The following CROCC2 variants were observed in gnomAD, a reference collection of about 807,000 sequenced individuals.
CROCC2 encodes ciliary rootlet coiled-coil, rootletin family member 2.
In CROCC2, 163 loss-of-function variants were observed where a neutral mutation model predicts 177.6. That is an observed-to-expected ratio of 0.92 (90% CI 0.81 to 1.05). The LOEUF (loss-of-function observed/expected upper bound fraction) is 1.05, where lower values mean the gene tolerates loss of function less well. Among genes scored for constraint, CROCC2 ranks in the 50% least tolerant of loss-of-function variants. CROCC2 has a pLI of 0.00. For synonymous variants in CROCC2, 904 were observed against 787.3 expected (o/e 1.15, Z -2.48); for missense variants, 1,929 against 1,797.8 (o/e 1.07, Z -1.32).
rs2059337910 is a variant in CROCC2 at position 240,918,922 on chromosome 2, ACGGCG to A, written c.229+47_229+51del. ...CCTGGGCCCGGGGCTGGCCAAGGTG[ACGGCG>A]TGGGGGACAGTCCTGGGCCCGGTGC... is the stretch of plus-strand genomic sequence containing the variant. On this transcript the variant is annotated intron_variant, in intron 2 of 31. Coordinates refer to ENST00000690015, the MANE Select transcript of CROCC2 (RefSeq NM_001351305.2). This position sits in a 1 kb window ranked among gnomAD's most constrained non-coding sequence, Gnocchi z 6.3. 2 of 663,586 alleles carry A rather than the reference ACGGCG, an allele frequency of 3.0e-6. No individual in the cohort carries two copies. Among genetic ancestry groups the A allele is most frequent in the African/African-American group, 4.0e-5 (2 of 49,802 alleles). The allele number at this position is 663,586 out of a possible 1,614,324, so 41.1% of individuals were successfully genotyped here.
chr2:240,981,635 G>A (rs895785430), intron 27 of CROCC2: 1 of 152,100 alleles, frequency 6.6e-6, no homozygotes, highest in African/African-American at 2.4e-5. Flanking sequence ...TTTTCTACTG[G>A]AAAATTATAT....
In CROCC2 at chr2:240,949,813, C is replaced by A; in HGVS notation, c.2652+111C>A. 1 of 1,189,578 alleles carries A rather than the reference C, an allele frequency of 8.4e-7. No individual in the cohort carries two copies. The highest frequency in any genetic ancestry group is 1.5e-5 in the African/African-American group (1 of 64,726). 73.7% of individuals were successfully genotyped at this position (1,189,578 alleles called of 1,614,324 possible). A position where few individuals can be genotyped will look rare whatever the true frequency, so the allele number is the denominator to read the frequency against. On this transcript the variant is annotated intron_variant, in intron 17 of 31. Coordinates refer to ENST00000690015, the MANE Select transcript of CROCC2 (RefSeq NM_001351305.2). This position sits in a 1 kb window ranked among gnomAD's most constrained non-coding sequence, Gnocchi z 4.5. ...GGGAGACAGAGCTCAGAGACATAGG[C>A]GCCTGGCCAGGGCTGGGCAAGGACC...
rs949222884 is a variant in CROCC2, at chr2:240,918,587, C to T, written c.79-139C>T. On this transcript the variant is annotated intron_variant, in intron 1 of 31. Coordinates refer to ENST00000690015, the MANE Select transcript of CROCC2 (RefSeq NM_001351305.2). This position sits in a 1 kb window ranked among gnomAD's most constrained non-coding sequence, Gnocchi z 6.3. ...AAGGCATGCGCCTGAGTGACCTGCC[C>T]AGCCTCACCCTGTCCTCTCCAGGGC... 1.2e-5 allele frequency: 5 copies of T among 434,028 alleles called. No individual in the cohort carries two copies. Among genetic ancestry groups the T allele is most frequent in the Non-Finnish European group, 2.0e-5 (5 of 247,318 alleles). The allele number at this position is 434,028 out of a possible 1,614,324, so 26.9% of individuals were successfully genotyped here.
intron 31 of CROCC2, 116 bp from the exon 32 acceptor site, chr2:240,992,950 A>C: frequency 1.5e-6 from 1 of 650,818 alleles, no homozygotes. Flanking sequence ...CAGAAGTTCA[A>C]GGTTCCCAGT....
At chr2:240,925,636 C>T in intron 4 of CROCC2, 88 bp from the exon 5 acceptor site, 1 of 624,074 alleles carries the variant, frequency 1.6e-6, no homozygotes, top group East Asian at 2.7e-5. Flanking sequence ...TTTGGGGTTC[C>T]ATTCAAGCCC....
At chr2:240,950,606 C>A in intron 18 of CROCC2, 96 bp downstream of exon 18, 2 of 1,296,988 alleles carry the variant, frequency 1.5e-6, no homozygotes, top group Non-Finnish European at 2.1e-6. Flanking sequence ...ACACCTTAGG[C>A]AGGTCCAACC....
intron 14 of CROCC2, among the ~76,000 whole-genome samples, chr2:240,941,091 A>T (rs993860686): frequency 6.6e-6 from 1 of 152,140 alleles, no homozygotes; most frequent in East Asian, 1.9e-4. Flanking sequence ...TTCACAATAG[A>T]TGCAAAAAAA....
intron 24 of CROCC2, 76 bp downstream of exon 24, chr2:240,966,069 C>T: frequency 7.7e-7 from 1 of 1,293,982 alleles, no homozygotes; most frequent in Non-Finnish European, 9.8e-7. Flanking sequence ...TTTCAGGCCT[C>T]ACAACTCACA....
chr2:240,909,266 C>CACGGG, intron 1 of CROCC2, among the ~76,000 whole-genome samples: 4 of 141,540 alleles, frequency 2.8e-5, no homozygotes, highest in African/African-American at 8.5e-5. Context: ...CCTCCTCCAC[C>CACGGG]TCGGGTGAGC....
At chr2:240,940,698 A>T (rs960707120) in intron 14 of CROCC2, among the ~76,000 whole-genome samples, 21 of 152,202 alleles carry the variant, frequency 1.4e-4, no homozygotes, top group African/African-American at 5.1e-4. Flanking sequence ...GACATACCTT[A>T]AGGTAATAAA....
rs181282124 is a variant in CROCC2 at position 240,953,135 on chromosome 2, C to T, written c.2829+2625C>T. Among the ~76,000 whole-genome samples, 16 of 152,220 alleles carry T rather than the reference C, an allele frequency of 1.1e-4. No individual in the cohort carries two copies. The highest frequency in any genetic ancestry group is 7.8e-4 in the Admixed American group (12 of 15,288). ...GACCTCGGTCAAACAGGAGTGCAGG[C>T]TTGGTGGCTCATGCCTATGATCCCA... On this transcript the variant is annotated intron_variant, in intron 18 of 31. Coordinates refer to ENST00000690015, the MANE Select transcript of CROCC2 (RefSeq NM_001351305.2). This position sits in a 1 kb window ranked among gnomAD's most constrained non-coding sequence, Gnocchi z 4.0.
rs542942310 is a variant in CROCC2 at position 240,932,720 on chromosome 2, C to G, written c.1063C>G (p.Arg355Gly). Residue 355 changes from arginine (R) to glycine (G), a missense_variant, in exon 9 of 32, where the codon CGG (arginine) becomes GGG (glycine). Coordinates refer to ENST00000690015, the MANE Select transcript of CROCC2 (RefSeq NM_001351305.2). Reference sequence around the variant, plus strand: ...CTTGAAGGTGGCCCAGGAGGACGCCCGGTGCCTGGAGCTGGCAGGTAGCAG... The same window carrying G: ...CTTGAAGGTGGCCCAGGAGGACGCCGGGTGCCTGGAGCTGGCAGGTAGCAG... ...LQNLVAQEDA[R>G]CLELAGSSIT... is the part of the protein sequence containing the mutation. The G allele has an allele frequency of 3.6e-6, 3 of 834,166 alleles. No homozygotes were observed. Among genetic ancestry groups the G allele is most frequent in the Non-Finnish European group, 6.1e-6 (3 of 492,328 alleles). 51.7% of individuals were successfully genotyped at this position (834,166 alleles called of 1,614,324 possible). A position where few individuals can be genotyped will look rare whatever the true frequency, so the allele number is the denominator to read the frequency against.
Position 240,965,907 on chromosome 2 carries a change from G to A in CROCC2, c.3875G>A (p.Arg1292Gln), listed in dbSNP as rs138650155. The A allele has an allele frequency of 2.0e-4, 291 of 1,430,658 alleles. No individual in the cohort carries two copies. Among genetic ancestry groups the A allele is most frequent in the African/African-American group, 1.8e-3 (123 of 69,192 alleles). The allele number at this position is 1,430,658 out of a possible 1,614,324, so 88.6% of individuals were successfully genotyped here. Residue 1292 changes from arginine (R) to glutamine (Q), a missense_variant, in exon 24 of 32, where the codon CGG becomes CAG. Physicochemically the swap from Arg to Gln is conservative, Grantham distance 43. Transcript: ENST00000690015. ...CAGGATGCGGAGGCCCAGCTGGGCC[G>A]GCTGTGCTCCACGCTCCGCCGTGGC... ...ARQDAEAQLG[R>Q]LCSTLRRGLG...
intron 8 of CROCC2, 126 bp from the exon 9 acceptor site, chr2:240,932,576 G>A (rs1574758118): frequency 1.6e-5 from 11 of 690,882 alleles, no homozygotes; most frequent in African/African-American, 3.5e-5. Context: ...GTGGCCCCTC[G>A]CCTGTCCTCC....
rs1231785262 is a variant in CROCC2, at chr2:240,932,817, C to G, written c.1160C>G (p.Ala387Gly). The stretch of plus-strand genomic sequence containing the variant: ...CGTGCCACATCCCCCCATCAAGGGG[C>G]GTCCCCACCACACATCTGCTCCCCA... Reference protein sequence around the residue: ...PQRATSPHQGASPPHICSPAT... With the variant: ...PQRATSPHQGGSPPHICSPAT... The change falls in exon 9 of 32, where the codon GCG (alanine) becomes GGG (glycine). Residue 387 changes from alanine (A) to glycine (G), a missense_variant. By Grantham distance (60) the Ala-to-Gly change is moderately conservative. Around this residue, in one of 3 missense-constraint regions of CROCC2, gnomAD observed 1,397 missense variants for 1,239.9 expected, o/e 1.13. Coordinates refer to ENST00000690015, the MANE Select transcript of CROCC2 (RefSeq NM_001351305.2). 2 of 1,534,058 alleles carry G rather than the reference C, an allele frequency of 1.3e-6. No individual in the cohort carries two copies. Among genetic ancestry groups the G allele is most frequent in the East Asian group, 2.5e-5 (1 of 40,782 alleles).
At position 240,931,017 on chromosome 2, in the gene CROCC2, T is replaced by A; in HGVS notation, c.836T>A (p.Leu279Gln). 1.4e-6 allele frequency: 1 copy of A among 716,548 alleles called. No homozygotes were observed. The highest frequency in any genetic ancestry group is 2.6e-6 in the Non-Finnish European group (1 of 384,826). The allele number at this position is 716,548 out of a possible 1,614,324, so 44.4% of individuals were successfully genotyped here. Residue 279 changes from leucine to glutamine, a missense_variant, in exon 7 of 32, where the codon CTG (leucine) becomes CAG (glutamine). Coordinates refer to ENST00000690015, the MANE Select transcript of CROCC2 (RefSeq NM_001351305.2). Reference protein sequence around the residue: ...ACLNLDSNLRLSASSTASTLG... With the variant: ...ACLNLDSNLRQSASSTASTLG... ...CTGAACCTCGACTCCAACCTGCGGC[T>A]GTCGGCCAGCAGCACGGCCAGCACC...
intron 1 of CROCC2, among the ~76,000 whole-genome samples, chr2:240,916,748 G>C (rs73105791): frequency 0.025 from 3,767 of 152,336 alleles, 143 homozygotes; most frequent in African/African-American, 0.085. Flanking sequence ...CCGGGGGAGC[G>C]CAGGGCGGGA....
chr2:240,962,897 CG>C (rs2059652884), intron 20 of CROCC2, among the ~76,000 whole-genome samples: 1 of 152,206 alleles, frequency 6.6e-6, no homozygotes, highest in Admixed American at 6.5e-5. Flanking sequence ...TGGGTTCTCC[CG>C]GGCACTGTGA....
At chr2:240,985,144 G>A (rs1217917376) in intron 28 of CROCC2, among the ~76,000 whole-genome samples, 1 of 10,338 alleles carries the variant, frequency 9.7e-5, no homozygotes, top group African/African-American at 1.1e-3. Context: ...ACACACCCAG[G>A]CACTCACTCC....
Sources: allele counts gnomAD v4.1 joint callset (sites outside exome capture counted in the v4.1 genomes callset), GRCh38; gene constraint gnomAD v4.1.1; regional missense constraint gnomAD v4.1.1; non-coding constraint Gnocchi (gnomAD v3.1); transcripts MANE v1.5; gene names NCBI Gene and HGNC (gene_info 2026-07-23, HGNC 2026-07-21).